The following ARHGEF10L variants were observed in gnomAD, a reference collection of about 807,000 sequenced individuals.
ARHGEF10L encodes the protein Rho guanine nucleotide exchange factor 10 like.
In ARHGEF10L, 69 loss-of-function variants were observed where a neutral mutation model predicts 141.2. The ratio of observed to expected loss-of-function variants is 0.49; its 90% CI spans 0.40 to 0.60. The LOEUF (loss-of-function observed/expected upper bound fraction) is 0.60, where lower values mean the gene tolerates loss of function less well. Ranked by LOEUF, ARHGEF10L falls within the 20% of genes least tolerant of loss-of-function variation. The probability of loss-of-function intolerance (pLI) is 0.00; values close to 1 mark genes in which losing one functional copy is unlikely to be tolerated. For synonymous variants in ARHGEF10L, 711 were observed against 718.5 expected (o/e 0.99, Z 0.17); for missense variants, 1,482 against 1,734.3 (o/e 0.85, Z 2.58).
intron 2 of ARHGEF10L, among the ~76,000 whole-genome samples, chr1:17,585,065 A>G (rs2078908438): frequency 6.6e-6 from 1 of 152,242 alleles, no homozygotes; most frequent in South Asian, 2.1e-4. Context: ...TATTAATATT[A>G]GAATACAATG....
intron 1 of ARHGEF10L, among the ~76,000 whole-genome samples, chr1:17,553,537 T>C (rs1313318590): frequency 6.6e-6 from 1 of 152,056 alleles, no homozygotes; most frequent in African/African-American, 2.4e-5. Context: ...ATCCCAGCAC[T>C]TTGGGAGGCT....
intron 1 of ARHGEF10L, among the ~76,000 whole-genome samples, chr1:17,543,980 C>T (rs750247082): frequency 2.7e-5 from 4 of 150,234 alleles, no homozygotes; most frequent in Non-Finnish European, 4.4e-5. Flanking sequence ...GAGTTTCACT[C>T]TTGTTGCTCA....
At position 17,603,861 on chromosome 1, in the gene ARHGEF10L, C is replaced by T. The variant is rs1277480915; in HGVS notation, c.433+270C>T. 1.3e-5 allele frequency among the ~76,000 whole-genome samples: 2 copies of T among 152,220 alleles called. No individual in the cohort carries two copies. Among genetic ancestry groups the T allele is most frequent in the African/African-American group, 4.8e-5 (2 of 41,460 alleles). On this transcript the variant is annotated intron_variant, in intron 6 of 28. Coordinates refer to ENST00000361221, the MANE Select transcript of ARHGEF10L (RefSeq NM_018125.4). The surrounding 1 kb of genome is among the most constrained non-coding windows in gnomAD (Gnocchi z 4.8). The stretch of plus-strand genomic sequence containing the variant: ...GTAATCACCTTTCTAAGCCTTGGTT[C>T]CTCCTTCAGGAAAATGGGGCCATAC...
At chr1:17,554,820 C>T (rs1025297105) in intron 1 of ARHGEF10L, among the ~76,000 whole-genome samples, 5 of 152,004 alleles carry the variant, frequency 3.3e-5, no homozygotes, top group South Asian at 2.1e-4. Flanking sequence ...CAAACTCCTG[C>T]GTTCAAGCGG....
At chr1:17,523,018 C>T in the ARHGEF10L span, among the ~76,000 whole-genome samples, 1 of 152,002 alleles carries the variant, frequency 6.6e-6, no homozygotes, top group South Asian at 2.1e-4. Flanking sequence ...ATCTCCTGAG[C>T]CCAGAAGTTT....
chr1:17,580,289 A>G (rs1272038198), intron 1 of ARHGEF10L, among the ~76,000 whole-genome samples: 1 of 152,218 alleles, frequency 6.6e-6, no homozygotes, highest in African/African-American at 2.4e-5. Context: ...GACACCCAGC[A>G]GGTCCCTGCA....
At chr1:17,531,561 T>C in the ARHGEF10L span, among the ~76,000 whole-genome samples, 3 of 152,298 alleles carry the variant, frequency 2.0e-5, no homozygotes, top group Non-Finnish European at 4.4e-5. Context: ...TATTTATTCA[T>C]AAAGCAGGAT....
At chr1:17,536,026 C>T (rs944447650), upstream of ARHGEF10L, among the ~76,000 whole-genome samples, 8 of 152,158 alleles carry the variant, frequency 5.3e-5, no homozygotes, top group Non-Finnish European at 1.0e-4. Flanking sequence ...CCAGTGTGGC[C>T]GTCCTTGGAA....
At chr1:17,613,849 G>A (rs1180671076) in intron 8 of ARHGEF10L, among the ~76,000 whole-genome samples, 1 of 152,174 alleles carries the variant, frequency 6.6e-6, no homozygotes, top group Admixed American at 6.5e-5. Context: ...TCCTGAGCAG[G>A]CCCCTTGGCC....
chr1:17,658,890 A>T (rs901692171), intron 25 of ARHGEF10L, among the ~76,000 whole-genome samples: 1 of 152,140 alleles, frequency 6.6e-6, no homozygotes, highest in East Asian at 1.9e-4. Context: ...AAGCCAGGCA[A>T]GTGGAGAGTT....
At chr1:17,670,443 A>G (rs142205147) in intron 26 of ARHGEF10L, among the ~76,000 whole-genome samples, 194 of 152,352 alleles carry the variant, frequency 1.3e-3, no homozygotes, top group South Asian at 3.5e-3. Flanking sequence ...TTCAAAGTCT[A>G]ATCCAGTCGT....
intron 18 of ARHGEF10L, among the ~76,000 whole-genome samples, chr1:17,635,951 T>G (rs530221910): frequency 6.6e-6 from 1 of 152,298 alleles, no homozygotes; most frequent in South Asian, 2.1e-4. Flanking sequence ...CTGGAAATTC[T>G]GAGGGAGTGA....
intron 10 of ARHGEF10L, among the ~76,000 whole-genome samples, chr1:17,620,246 C>T (rs559380409): frequency 9.9e-5 from 15 of 151,224 alleles, no homozygotes; most frequent in Admixed American, 2.0e-4. Context: ...TGTAGAGCAT[C>T]GTGCTGAGGT....
chr1:17,587,746 GT>G, intron 3 of ARHGEF10L, 101 bp downstream of exon 3: 1 of 1,317,864 alleles, frequency 7.6e-7, no homozygotes, highest in Non-Finnish European at 1.0e-6. Flanking sequence ...CCCCTCCGCT[GT>G]CCCCAGAAAG....
At chr1:17,612,650 C>T (rs908284307) in intron 7 of ARHGEF10L, among the ~76,000 whole-genome samples, 2 of 152,234 alleles carry the variant, frequency 1.3e-5, no homozygotes, top group Non-Finnish European at 2.9e-5. Context: ...ATCTGTCTAT[C>T]TCACAAACTT....
intron 7 of ARHGEF10L, among the ~76,000 whole-genome samples, chr1:17,611,596 C>T (rs2059554917): frequency 6.6e-6 from 1 of 151,910 alleles, no homozygotes; most frequent in African/African-American, 2.4e-5. Flanking sequence ...ATTCACCCAT[C>T]CAACAAATAT....
intron 4 of ARHGEF10L, among the ~76,000 whole-genome samples, chr1:17,591,639 T>C (rs2079555082): frequency 6.6e-6 from 1 of 152,178 alleles, no homozygotes; most frequent in Non-Finnish European, 1.5e-5. Flanking sequence ...CTTGAGCTCC[T>C]GACCTCAGGT....
At position 17,660,193 on chromosome 1, in the gene ARHGEF10L, C is replaced by T. The variant is rs541681084; in HGVS notation, c.2860+3485C>T. 2.6e-5 allele frequency among the ~76,000 whole-genome samples: 4 copies of T among 152,334 alleles called. No homozygotes were observed. The East Asian group carries it at 7.7e-4, about 29-fold the overall frequency. The stretch of plus-strand genomic sequence containing the variant: ...CCCTGCCTCTGAGAAGGCACAAGGG[C>T]ATTGCCACGCCTTGGGTGGGGATGC... On this transcript the variant is annotated intron_variant, in intron 25 of 28. Transcript: ENST00000361221.
In ARHGEF10L at chr1:17,627,296, G is replaced by A; in HGVS notation, c.1411-34G>A. On this transcript the variant is annotated intron_variant, in intron 14 of 28. Transcript: ENST00000361221. This position sits in a 1 kb window ranked among gnomAD's most constrained non-coding sequence, Gnocchi z 4.0. ...CCAGGCTGGGGTAGAGTTGGTCATG[G>A]GTGGGCTGCTCAGTCTCTGCTCTGA... 6.2e-7 allele frequency: 1 copy of A among 1,603,436 alleles called. No homozygotes were observed. The highest frequency in any genetic ancestry group is 8.5e-7 in the Non-Finnish European group (1 of 1,172,344).
Sources: allele counts gnomAD v4.1 joint callset (sites outside exome capture counted in the v4.1 genomes callset), GRCh38; gene constraint gnomAD v4.1.1; non-coding constraint Gnocchi (gnomAD v3.1); transcripts MANE v1.5; gene names NCBI Gene and HGNC (gene_info 2026-07-23, HGNC 2026-07-21).